Variants in FHIT observed in about 807,000 individuals in gnomAD.
FHIT encodes bis(5'-adenosyl)-triphosphatase.
Under a neutral mutation model 17.9 loss-of-function variants are expected in FHIT, and 19 were observed. The observed-to-expected ratio is 1.06, with a 90% CI of 0.74 to 1.56. FHIT has a LOEUF of 1.56. Among genes scored for constraint, FHIT ranks in the 40% most tolerant of loss-of-function variants. The pLI is 0.00. For missense variants in FHIT, 248 were observed against 189.2 expected, an observed-to-expected ratio of 1.31 and a Z score of -1.82; for synonymous variants, 81 against 69.7, an observed-to-expected ratio of 1.16 and a Z score of -0.81.
chr3:59,946,383 C>A (rs890890438), intron 7 of FHIT, among the ~76,000 whole-genome samples: 1 of 152,120 alleles, frequency 6.6e-6, no homozygotes, highest in African/African-American at 2.4e-5. Flanking sequence ...TATGCTGAAA[C>A]CTTGCTGAAG....
chr3:60,808,131 G>T (rs1163166832), intron 4 of FHIT, among the ~76,000 whole-genome samples: 3 of 152,240 alleles, frequency 2.0e-5, no homozygotes, highest in Non-Finnish European at 4.4e-5. Flanking sequence ...TTCTGAGCCA[G>T]AGTTGTAGCA....
At chr3:60,722,576 A>T in intron 4 of FHIT, among the ~76,000 whole-genome samples, 1 of 152,164 alleles carries the variant, frequency 6.6e-6, no homozygotes, top group East Asian at 1.9e-4. Context: ...GTTTAGAAAC[A>T]TCCCTAGTCT....
At chr3:60,424,678 A>G (rs759210316) in intron 5 of FHIT, among the ~76,000 whole-genome samples, 6 of 152,196 alleles carry the variant, frequency 3.9e-5, no homozygotes, top group Non-Finnish European at 5.9e-5. Context: ...GATCAAATGT[A>G]GCTGAAGAGT....
chr3:60,996,442 T>C (rs912423695), intron 3 of FHIT, among the ~76,000 whole-genome samples: 2 of 152,226 alleles, frequency 1.3e-5, no homozygotes, highest in Non-Finnish European at 2.9e-5. Flanking sequence ...GTTCCTATCA[T>C]CCACCCTTAT....
intron 4 of FHIT, among the ~76,000 whole-genome samples, chr3:60,699,469 T>G (rs546436905): frequency 6.6e-6 from 1 of 152,198 alleles, no homozygotes; most frequent in South Asian, 2.1e-4. Context: ...TGATAACTAA[T>G]GGGGCTGAGA....
At position 59,747,476 on chromosome 3, in the gene FHIT, C is replaced by G. The variant is rs958340983; in HGVS notation, c.*2109G>C. ...TCAGTTACCTCCCACTGGGTCCCTC[C>G]CATGACATGTGGGGATTATGGGAGC... On this transcript the variant is annotated 3_prime_UTR_variant, in exon 10 of 10. Coordinates refer to ENST00000492590, the MANE Select transcript of FHIT (RefSeq NM_002012.4). Among the ~76,000 whole-genome samples, 2 of 152,100 alleles carry G rather than the reference C, an allele frequency of 1.3e-5. No individual in the cohort carries two copies. Among genetic ancestry groups the G allele is most frequent in the African/African-American group, 4.8e-5 (2 of 41,426 alleles).
chr3:61,133,043 A>G (rs2036811133), intron 2 of FHIT, among the ~76,000 whole-genome samples: 1 of 152,216 alleles, frequency 6.6e-6, no homozygotes, highest in South Asian at 2.1e-4. Context: ...CATAGTGATG[A>G]AGAGGAAAGA....
intron 7 of FHIT, among the ~76,000 whole-genome samples, chr3:59,970,087 A>G (rs1221602529): frequency 1.3e-5 from 2 of 152,086 alleles, no homozygotes; most frequent in Non-Finnish European, 2.9e-5. Context: ...ATTTAACCAT[A>G]GTTCCCAGCT....
At chr3:59,989,463 G>A (rs182108088) in intron 7 of FHIT, among the ~76,000 whole-genome samples, 16 of 152,112 alleles carry the variant, frequency 1.1e-4, no homozygotes, top group African/African-American at 3.9e-4. Flanking sequence ...CTCCAACAAT[G>A]AGTTCAGAAG....
chr3:60,229,424 GA>G (rs796109235), intron 5 of FHIT, among the ~76,000 whole-genome samples: 252 of 71,006 alleles, frequency 3.5e-3, no homozygotes, highest in Admixed American at 5.5e-3. Context: ...TCATCAAAAA[GA>G]AAAAAAAAAA....
intron 5 of FHIT, among the ~76,000 whole-genome samples, chr3:60,357,712 T>C (rs1206917981): frequency 6.6e-6 from 1 of 152,210 alleles, no homozygotes; most frequent in African/African-American, 2.4e-5. Flanking sequence ...TTCTCTGTAG[T>C]ATATACTTTC....
intron 3 of FHIT, among the ~76,000 whole-genome samples, chr3:60,867,002 G>A (rs1553754003): frequency 6.6e-6 from 1 of 152,090 alleles, no homozygotes; most frequent in South Asian, 2.1e-4. Flanking sequence ...CAGAAGCCAG[G>A]AAATTGAATG....
In FHIT at chr3:61,251,433, G is replaced by C. The variant is rs1033965363; in HGVS notation, c.-345C>G. ...CAGAGGGCAAAAAGTCCTGTGACCG[G>C]ACAGAGCAGAGCGGGGACTGCAATT... On this transcript the variant is annotated 5_prime_UTR_variant, in exon 1 of 10. Transcript: ENST00000492590. 2.6e-5 allele frequency: 4 copies of C among 152,450 alleles called. No homozygotes were observed. The highest frequency in any genetic ancestry group is 9.6e-5 in the African/African-American group (4 of 41,482). The allele number at this position is 152,450 out of a possible 1,614,324, so 9.4% of individuals were successfully genotyped here. A position where few individuals can be genotyped will look rare whatever the true frequency, so the allele number is the denominator to read the frequency against.
chr3:60,058,826 C>T (rs1026587644), intron 5 of FHIT, among the ~76,000 whole-genome samples: 9 of 152,142 alleles, frequency 5.9e-5, no homozygotes, highest in African/African-American at 1.9e-4. Context: ...CACAATGAGA[C>T]ATCGAAATGT....
Position 60,014,044 on chromosome 3 carries a change from T to G in FHIT, c.212A>C (p.Lys71Thr). The change falls in exon 6 of 10, where the codon AAA becomes ACA. Residue 71 changes from lysine (K) to threonine (T), a missense_variant. By Grantham distance (78) the Lys-to-Thr change is moderately conservative. Coordinates refer to ENST00000492590, the MANE Select transcript of FHIT (RefSeq NM_002012.4). ...TTQRVGTVVE[K>T]HFHGTSLTFS... ...GGTGAGAGAGGTCCCATGGAAATGT[T>G]TTTCCACCACTGTCCCGACTCTCTG... is the stretch of plus-strand genomic sequence containing the variant. 1 of 1,613,960 alleles carries G rather than the reference T, an allele frequency of 6.2e-7. No individual in the cohort carries two copies. Among genetic ancestry groups the G allele is most frequent in the Non-Finnish European group, 8.5e-7 (1 of 1,179,920 alleles).
At chr3:60,147,398 G>A (rs1327291919) in intron 5 of FHIT, among the ~76,000 whole-genome samples, 1 of 152,140 alleles carries the variant, frequency 6.6e-6, no homozygotes, top group Non-Finnish European at 1.5e-5. Context: ...GGTTTCGAAG[G>A]AAACCGATAC....
chr3:60,510,214 A>T lies in FHIT; in HGVS notation c.103+26646T>A, dbSNP rs537361145. Among the ~76,000 whole-genome samples the T allele has an allele frequency of 3.3e-5, 5 of 152,336 alleles. 1 individual carries two copies. In the South Asian group the frequency reaches 1.0e-3, roughly 32 times the overall value. Reference sequence around the variant, plus strand: ...GCTGGCCATCTTGGCGAGTGGGGAAAACTAGAACAGCACTGAAAACCAAGC... The same window carrying T: ...GCTGGCCATCTTGGCGAGTGGGGAATACTAGAACAGCACTGAAAACCAAGC... On this transcript the variant is annotated intron_variant, in intron 5 of 9. Transcript: ENST00000492590.
intron 5 of FHIT, among the ~76,000 whole-genome samples, chr3:60,452,532 T>C (rs937876496): frequency 2.0e-5 from 3 of 152,174 alleles, no homozygotes; most frequent in African/African-American, 7.2e-5. Flanking sequence ...ATAAAGATAT[T>C]TAAATGACCA....
intron 4 of FHIT, among the ~76,000 whole-genome samples, chr3:60,570,737 T>TAAAAAAAAAAA (rs10637926): frequency 1.4e-4 from 19 of 132,416 alleles, no homozygotes; most frequent in East Asian, 2.2e-4. Flanking sequence ...ATTAAAAAAT[T>TAAAAAAAAAAA]AAAAAAAAAA....
Sources: gnomAD v4.1 joint callset for allele counts (sites outside exome capture counted in the v4.1 genomes callset) on GRCh38, gnomAD v4.1.1 for gene constraint, MANE v1.5 for transcripts, NCBI Gene and HGNC (gene_info 2026-07-23, HGNC 2026-07-21) for gene names.